The following KPTN variants were observed in gnomAD, a reference collection of about 807,000 sequenced individuals.
The protein encoded by KPTN is KICSTOR complex protein kaptin.
In KPTN, 36 loss-of-function variants were observed where a neutral mutation model predicts 52.6. That is an observed-to-expected ratio of 0.68 (90% confidence interval 0.52 to 0.90). KPTN has a LOEUF of 0.90. Ranked by LOEUF, KPTN falls within the 40% of genes least tolerant of loss-of-function variation. The pLI, the probability that KPTN is intolerant of heterozygous loss-of-function variation, is 0.00. For missense variants in KPTN, 529 were observed against 576.2 expected (o/e 0.92, Z 0.84); for synonymous variants, 271 against 248.4 (o/e 1.09, Z -0.85).
chr19:47,475,896 G>A (rs1384683267), intron 11 of KPTN, among the ~76,000 whole-genome samples: 1 of 151,878 alleles, frequency 6.6e-6, no homozygotes, highest in Non-Finnish European at 1.5e-5. Context: ...GGAAGGTGGA[G>A]GTTGCAGTGA....
At chr19:47,484,807 C>T (rs1460874264), upstream of KPTN, among the ~76,000 whole-genome samples, 2 of 150,234 alleles carry the variant, frequency 1.3e-5, no homozygotes, top group East Asian at 2.0e-4. Context: ...TGGGTTCAAG[C>T]GATTCTCCTG....
In KPTN at chr19:47,480,747, G is replaced by C; in HGVS notation, c.599+13C>G. ...CCCCGGTCCCCAGTGGCCTCTTTCG[G>C]GGCCTCTCCTACCTACTGGTCAGGT... On this transcript the variant is annotated intron_variant, in intron 6 of 11. Coordinates refer to ENST00000338134, the MANE Select transcript of KPTN (RefSeq NM_007059.4). 1 of 1,613,112 alleles carries C rather than the reference G, an allele frequency of 6.2e-7. No homozygotes were observed.
rs1480081914 is a variant in KPTN, at chr19:47,480,363, CGCCGGGACGT to C, written c.634_643del (p.Thr212AlafsTer39). ...ACTCTGACAGCCCAGAGCTGAGAGG[CGCCGGGACGT>C]GCCGGGGAAGTTGTGGACGTCCAGC... On this transcript the variant is annotated frameshift_variant, in exon 7 of 12. Transcript: ENST00000338134. LOFTEE classifies it high-confidence loss of function. 1 of 1,549,620 alleles carries C rather than the reference CGCCGGGACGT, an allele frequency of 6.5e-7. No individual in the cohort carries two copies. The highest frequency in any genetic ancestry group is 8.7e-7 in the Non-Finnish European group (1 of 1,146,482).
At position 47,476,800 on chromosome 19, in the gene KPTN, C is replaced by T. The variant is rs1395842740; in HGVS notation, c.999+3G>A. On this transcript the variant is annotated splice_donor_region_variant and intron_variant, in intron 10 of 11. Transcript: ENST00000338134. Reference sequence around the variant, plus strand: ...GGGTGTGGCTCCAACTGTCAGGTCCCACCTGTCCATAGGTGGCCACCAGGA... The same window carrying T: ...GGGTGTGGCTCCAACTGTCAGGTCCTACCTGTCCATAGGTGGCCACCAGGA... The T allele has an allele frequency of 6.3e-7, 1 of 1,591,738 alleles. No homozygotes were observed. The highest frequency in any genetic ancestry group is 8.6e-7 in the Non-Finnish European group (1 of 1,169,138).
chr19:47,478,263 G>C (rs1967744735), intron 8 of KPTN, among the ~76,000 whole-genome samples: 1 of 151,928 alleles, frequency 6.6e-6, no homozygotes, highest in South Asian at 2.1e-4. Flanking sequence ...ACCAGAAGGA[G>C]AAATAGGTGT....
rs770774168 is a variant in KPTN, at chr19:47,476,720, G to A, written c.1000-6C>T. The A allele has an allele frequency of 6.2e-6, 10 of 1,609,998 alleles. 1 individual carries two copies. In the Admixed American group the frequency reaches 1.2e-4, roughly 19 times the overall value. ...TACTTATAACACAGCAGTTCCTGCG[G>A]GGGTGAAGAATCAGGTCACACAGGT... On this transcript the variant is annotated splice_region_variant and splice_polypyrimidine_tract_variant and intron_variant, in intron 10 of 11. Coordinates refer to ENST00000338134, the MANE Select transcript of KPTN (RefSeq NM_007059.4).
At position 47,475,379 on chromosome 19, in the gene KPTN, G is replaced by C. The variant is rs779995582; in HGVS notation, c.*37C>G. On this transcript the variant is annotated 3_prime_UTR_variant, in exon 12 of 12. Coordinates refer to ENST00000338134, the MANE Select transcript of KPTN (RefSeq NM_007059.4). ...GCGGCTGGAGGTGAGCACGCCATGA[G>C]TCGCCCCAGGTCTGGGAAGAGTGGG... 65 of 1,603,386 alleles carry C rather than the reference G, an allele frequency of 4.1e-5. No individual in the cohort carries two copies. The Middle Eastern group carries it at 5.0e-4, about 12-fold the overall frequency.
Position 47,479,043 on chromosome 19 carries a change from A to AT in KPTN, c.787+819dup, listed in dbSNP as rs200861500. Among the ~76,000 whole-genome samples the AT allele has an allele frequency of 3.2e-3, 488 of 150,900 alleles. 3 individuals carry two copies. Among genetic ancestry groups the AT allele is most frequent in the African/African-American group, 0.011 (452 of 41,160 alleles). ...TTGTGTCCCCGAAGTGATTGAAATA[A>AT]TTTTTTTTTTCTTTTTTGAGATGGA... On this transcript the variant is annotated intron_variant, in intron 8 of 11. Coordinates refer to ENST00000338134, the MANE Select transcript of KPTN (RefSeq NM_007059.4).
At chr19:47,484,308 A>C, upstream of KPTN, 1 of 1,062,826 alleles carries the variant, frequency 9.4e-7, no homozygotes, top group Non-Finnish European at 1.3e-6. Flanking sequence ...CTCTCCCAAG[A>C]TGGCGGCCAG....
At chr19:47,480,927 G>A in intron 5 of KPTN, 31 bp downstream of exon 5, 2 of 1,612,358 alleles carry the variant, frequency 1.2e-6, no homozygotes, top group Middle Eastern at 1.7e-4. Context: ...GAATCCCACA[G>A]GGCTCTGCCC....
chr19:47,481,440 T>G (rs1967876264), intron 4 of KPTN: 1 of 166,514 alleles, frequency 6.0e-6, no homozygotes, highest in Non-Finnish European at 1.3e-5. Context: ...CTAGAAGTGC[T>G]GTTTTCTGTC....
At chr19:47,480,245 C>T in intron 7 of KPTN, 53 bp downstream of exon 7, 1 of 1,106,490 alleles carries the variant, frequency 9.0e-7, no homozygotes, top group South Asian at 1.3e-5. Context: ...CACCCTGGCC[C>T]CGCCCTCTAG....
In KPTN at chr19:47,475,381, C is replaced by A; in HGVS notation, c.*35G>T. ...GGCTGGAGGTGAGCACGCCATGAGT[C>A]GCCCCAGGTCTGGGAAGAGTGGGTG... On this transcript the variant is annotated 3_prime_UTR_variant, in exon 12 of 12. Coordinates refer to ENST00000338134, the MANE Select transcript of KPTN (RefSeq NM_007059.4). 4 of 1,603,648 alleles carry A rather than the reference C, an allele frequency of 2.5e-6. No individual in the cohort carries two copies. The South Asian group carries it at 3.3e-5, about 13-fold the overall frequency.
At position 47,476,624 on chromosome 19, in the gene KPTN, T is replaced by A; in HGVS notation, c.1090A>T (p.Ser364Cys). 1 of 1,612,672 alleles carries A rather than the reference T, an allele frequency of 6.2e-7. No homozygotes were observed. Among genetic ancestry groups the A allele is most frequent in the South Asian group, 1.1e-5 (1 of 90,934 alleles). ...FHLLWQRSFS[S>C]PLLAMAHVDL... ...ACGTGAGCCATGGCCAGCAGGGGACTGGAGAAGCTCCGCTGCCACAGCAGA... is the reference window on the plus strand; with the variant it reads ...ACGTGAGCCATGGCCAGCAGGGGACAGGAGAAGCTCCGCTGCCACAGCAGA... Residue 364 changes from serine to cysteine, a missense_variant, in exon 11 of 12, where the codon AGT becomes TGT. Ser to Cys is a moderately radical substitution (Grantham distance 112). Transcript: ENST00000338134.
At chr19:47,482,261 G>A (rs1465234721) in intron 4 of KPTN, among the ~76,000 whole-genome samples, 3 of 152,282 alleles carry the variant, frequency 2.0e-5, no homozygotes, top group Admixed American at 6.5e-5. Flanking sequence ...GGCCAAGGCG[G>A]GCGGATCACC....
upstream of KPTN, among the ~76,000 whole-genome samples, chr19:47,484,896 C>T (rs1968026065): frequency 6.6e-6 from 1 of 152,002 alleles, no homozygotes; most frequent in African/African-American, 2.4e-5. Context: ...GATGGGGTTT[C>T]GCCATGTTGC....
At chr19:47,475,622 C>A (rs1599866821) in intron 11 of KPTN, 78 bp from the exon 12 acceptor site, 2 of 1,549,564 alleles carry the variant, frequency 1.3e-6, no homozygotes, top group Non-Finnish European at 8.8e-7. Context: ...TGGAGTGAAG[C>A]AACTCCAAAG....
upstream of KPTN, among the ~76,000 whole-genome samples, chr19:47,485,145 C>T (rs1441398598): frequency 6.6e-6 from 1 of 152,190 alleles, no homozygotes; most frequent in African/African-American, 2.4e-5. Flanking sequence ...TAATCTGATT[C>T]CTTACAACTG....
In KPTN at chr19:47,476,555, G is replaced by A. The variant is rs769399259; in HGVS notation, c.1159C>T (p.Leu387=). Residue 387 remains leucine (L), a synonymous_variant, in exon 11 of 12, where the codon CTG becomes TTG. Coordinates refer to ENST00000338134, the MANE Select transcript of KPTN (RefSeq NM_007059.4). ...ACCTGCAGGATGTGCACGCCCTTCA[G>A]GGAGACCACGGCAAGCTCCTGCAGC... ...DGLQELAVVS[L]KGVHILQHSL... The A allele has an allele frequency of 6.2e-7, 1 of 1,610,200 alleles. No individual in the cohort carries two copies. The highest frequency in any genetic ancestry group is 1.4e-5 in the African/African-American group (1 of 73,794).
Sources: gnomAD v4.1 joint callset for allele counts (sites outside exome capture counted in the v4.1 genomes callset) on GRCh38, gnomAD v4.1.1 for gene constraint, MANE v1.5 for transcripts, NCBI Gene and HGNC (gene_info 2026-07-23, HGNC 2026-07-21) for gene names.